Variants in NXPE2 observed in about 807,000 individuals in gnomAD.
NXPE2 encodes the protein neurexophilin and PC-esterase domain family member 2, also known as NXPE family member 2.
A neutral mutation model predicts 34.4 loss-of-function variants in NXPE2; 34 were observed. The ratio of observed to expected loss-of-function variants is 0.99; its 90% CI spans 0.75 to 1.31. The LOEUF is 1.31. Ranked by LOEUF, NXPE2 falls within the 40% of genes most tolerant of loss-of-function variation. The pLI is 0.00. For missense variants in NXPE2, 649 were observed against 672.5 expected, an observed-to-expected ratio of 0.97 and a Z score of 0.39; for synonymous variants, 235 against 231.3, an observed-to-expected ratio of 1.02 and a Z score of -0.15.
At chr11:114,730,551 T>C in the NXPE2 span, among the ~76,000 whole-genome samples, 10 of 152,298 alleles carry the variant, frequency 6.6e-5, no homozygotes, top group Non-Finnish European at 1.2e-4. Flanking sequence ...TGTTTTTCTA[T>C]TTGTGTCATC....
chr11:114,786,443 G>T, the NXPE2 span, among the ~76,000 whole-genome samples: 10 of 148,832 alleles, frequency 6.7e-5, no homozygotes, highest in African/African-American at 2.5e-4. Flanking sequence ...GAGGTTCTGA[G>T]TTTCACTCAC....
the NXPE2 span, among the ~76,000 whole-genome samples, chr11:114,731,617 C>A: frequency 0.093 from 14,196 of 152,188 alleles, 836 homozygotes; most frequent in Middle Eastern, 0.2. Flanking sequence ...TAAAAAGCCT[C>A]TCTTAAAAGT....
At chr11:114,493,179 T>A in the NXPE2 span, among the ~76,000 whole-genome samples, 4 of 152,174 alleles carry the variant, frequency 2.6e-5, no homozygotes, top group African/African-American at 9.7e-5. Context: ...TCTTTTTCCA[T>A]CCCTGTATTT....
the NXPE2 span, among the ~76,000 whole-genome samples, chr11:114,587,993 G>T: frequency 6.6e-6 from 1 of 152,168 alleles, no homozygotes; most frequent in African/African-American, 2.4e-5. Flanking sequence ...ATGGTCAGAG[G>T]TCTCTTAGGT....
the NXPE2 span, among the ~76,000 whole-genome samples, chr11:114,616,552 A>C: frequency 6.6e-6 from 1 of 151,648 alleles, no homozygotes; most frequent in Non-Finnish European, 1.5e-5. Flanking sequence ...CCAGTGGATA[A>C]AAATTATTGC....
chr11:114,639,468 C>A, the NXPE2 span, among the ~76,000 whole-genome samples: 1 of 151,496 alleles, frequency 6.6e-6, no homozygotes. Context: ...CGCTGCGCTG[C>A]CCCCACTGTC....
At chr11:114,581,669 A>C in the NXPE2 span, 1 of 1,359,478 alleles carries the variant, frequency 7.4e-7, no homozygotes, top group Non-Finnish European at 1.0e-6. Context: ...AGAAAGAAGA[A>C]ACCCTTTAAA....
chr11:114,785,076 C>T, the NXPE2 span, among the ~76,000 whole-genome samples: 6 of 151,944 alleles, frequency 3.9e-5, no homozygotes, highest in Admixed American at 1.3e-4. Context: ...CCTGTGATCT[C>T]GTATTCTATT....
At chr11:114,466,138 A>G in the NXPE2 span, among the ~76,000 whole-genome samples, 1 of 152,162 alleles carries the variant, frequency 6.6e-6, no homozygotes, top group African/African-American at 2.4e-5. Context: ...GTATGAAGGT[A>G]ATTTTTCTGA....
chr11:114,609,429 T>C, the NXPE2 span, among the ~76,000 whole-genome samples: 2 of 151,786 alleles, frequency 1.3e-5, no homozygotes, highest in African/African-American at 4.8e-5. Context: ...GGATAATAAG[T>C]GTTGCCTCTC....
the NXPE2 span, among the ~76,000 whole-genome samples, chr11:114,796,685 T>C: frequency 6.6e-6 from 1 of 152,234 alleles, no homozygotes; most frequent in Non-Finnish European, 1.5e-5. Flanking sequence ...TTTCTGGGAA[T>C]GTAAAGATGA....
At chr11:114,574,572 C>A in the NXPE2 span, among the ~76,000 whole-genome samples, 1 of 152,000 alleles carries the variant, frequency 6.6e-6, no homozygotes, top group Admixed American at 6.6e-5. Context: ...CTGTGAACAC[C>A]TTTAAGCACA....
chr11:114,511,446 C>A, the NXPE2 span, among the ~76,000 whole-genome samples: 2 of 152,168 alleles, frequency 1.3e-5, no homozygotes, highest in African/African-American at 2.4e-5. Flanking sequence ...AAAGAGGGGT[C>A]TCAGAGAGGT....
At chr11:114,499,227 A>G in the NXPE2 span, among the ~76,000 whole-genome samples, 1 of 152,152 alleles carries the variant, frequency 6.6e-6, no homozygotes, top group Non-Finnish European at 1.5e-5. Context: ...AATAAAGCCT[A>G]ATTCTTGCTT....
At chr11:114,724,642 A>G in the NXPE2 span, among the ~76,000 whole-genome samples, 1 of 152,074 alleles carries the variant, frequency 6.6e-6, no homozygotes, top group Admixed American at 6.6e-5. Context: ...TAGCTCAAGC[A>G]GGAACTTAAT....
the NXPE2 span, among the ~76,000 whole-genome samples, chr11:114,732,407 C>T: frequency 4.3e-4 from 65 of 152,348 alleles, no homozygotes; most frequent in African/African-American, 1.4e-3. Flanking sequence ...TTCAACTTCT[C>T]CCTCTGCTTA....
chr11:114,727,394 T>C, the NXPE2 span, among the ~76,000 whole-genome samples: 2 of 152,178 alleles, frequency 1.3e-5, no homozygotes, highest in Admixed American at 1.3e-4. Flanking sequence ...GAGGGCTCTG[T>C]CCTCATGACC....
chr11:114,703,536 A>G (rs1471784795), intron 3 of NXPE2, among the ~76,000 whole-genome samples: 3 of 152,176 alleles, frequency 2.0e-5, no homozygotes, highest in African/African-American at 4.8e-5. Flanking sequence ...ATGCACGCTC[A>G]AGTTTGAGAA....
the NXPE2 span, among the ~76,000 whole-genome samples, chr11:114,547,569 C>T: frequency 6.6e-6 from 1 of 151,996 alleles, no homozygotes; most frequent in Non-Finnish European, 1.5e-5. Context: ...ACGCATCTCT[C>T]CCAAAAAATA....
Sources: gnomAD v4.1 joint callset for allele counts (sites outside exome capture counted in the v4.1 genomes callset) on GRCh38, gnomAD v4.1.1 for gene constraint, MANE v1.5 for transcripts, NCBI Gene and HGNC (gene_info 2026-07-23, HGNC 2026-07-21) for gene names.